The following MRPS33 variants were observed in gnomAD, a reference collection of about 807,000 sequenced individuals.
MRPS33 encodes the protein mitochondrial ribosomal protein S33, also known as small ribosomal subunit protein mS33.
In MRPS33, 11 loss-of-function variants were observed where a neutral mutation model predicts 11.2. The observed-to-expected ratio is 0.99, with a 90% CI of 0.62 to 1.63. The LOEUF (loss-of-function observed/expected upper bound fraction) is 1.63, where lower values mean the gene tolerates loss of function less well. Among genes scored for constraint, MRPS33 ranks in the 40% most tolerant of loss-of-function variants. The pLI is 0.00. For synonymous variants in MRPS33, 46 were observed against 44.0 expected (o/e 1.05, Z -0.18); for missense variants, 109 against 127.8 (o/e 0.85, Z 0.71).
chr7:141,011,446 G>C (rs73737151), intron 1 of MRPS33, among the ~76,000 whole-genome samples: 5,495 of 152,138 alleles, frequency 0.036, 334 homozygotes, highest in African/African-American at 0.13. Flanking sequence ...CACTGAAATG[G>C]GTATAAGAAT....
chr7:141,010,411 G>T lies in MRPS33; in HGVS notation c.215+8C>A, dbSNP rs189895199. On this transcript the variant is annotated splice_region_variant and intron_variant, in intron 2 of 2. Coordinates refer to ENST00000324787, the MANE Select transcript of MRPS33 (RefSeq NM_053035.3). ...CTCTCATAGGTCCCTCTTTGTGTTT[G>T]TCATCACCTGTAGAGTCCAAGAAAT... 349 of 1,613,620 alleles carry T rather than the reference G, an allele frequency of 2.2e-4. 1 individual carries two copies. The African/African-American group carries it at 3.9e-3, about 18-fold the overall frequency.
intron 1 of MRPS33, among the ~76,000 whole-genome samples, chr7:141,013,782 C>A (rs190355493): frequency 6.6e-6 from 1 of 152,134 alleles, no homozygotes. Flanking sequence ...AAGAAAATTC[C>A]CATATTTTTA....
chr7:141,010,296 C>T (rs1442856763), intron 2 of MRPS33, 123 bp downstream of exon 2: 7 of 885,218 alleles, frequency 7.9e-6, no homozygotes, highest in South Asian at 1.8e-5. Context: ...CCAACTGTAC[C>T]TTTTGAACTA....
intron 2 of MRPS33, 42 bp downstream of exon 2, chr7:141,010,377 A>G: frequency 6.3e-7 from 1 of 1,587,052 alleles, no homozygotes; most frequent in African/African-American, 1.4e-5. Flanking sequence ...TGATCTACTG[A>G]AAAAAAGTCT....
intron 1 of MRPS33, chr7:141,014,598 C>T (rs944077881): frequency 1.3e-5 from 2 of 152,190 alleles, no homozygotes; most frequent in South Asian, 2.1e-4. Context: ...GCCCACCACC[C>T]AAAGCTACAG....
intron 2 of MRPS33, among the ~76,000 whole-genome samples, chr7:141,006,944 A>G (rs1820547968): frequency 1.3e-5 from 2 of 152,224 alleles, no homozygotes; most frequent in Admixed American, 1.3e-4. Context: ...GCATCTACTC[A>G]GAATGGGGTG....
At position 141,006,471 on chromosome 7, in the gene MRPS33, G is replaced by T. The variant is rs1371047941; in HGVS notation, c.280C>A (p.Pro94Thr). The T allele has an allele frequency of 6.2e-7, 1 of 1,613,834 alleles. No homozygotes were observed. The highest frequency in any genetic ancestry group is 1.1e-5 in the South Asian group (1 of 91,070). ...GCTCTTTTCCCTTCTCCTTTCTTTG[G>T]TTTCTCCTTTCCACGAAGCTTCTTT... Reference protein sequence around the residue: ...RLKKLRGKEKPKKGEGKRAAK... With the variant: ...RLKKLRGKEKTKKGEGKRAAK... The change falls in exon 3 of 3, where the codon CCA becomes ACA. Residue 94 changes from proline to threonine, a missense_variant. Physicochemically the swap from Pro to Thr is conservative, Grantham distance 38. Coordinates refer to ENST00000324787, the MANE Select transcript of MRPS33 (RefSeq NM_053035.3).
chr7:141,014,229 T>A (rs1472888874), intron 1 of MRPS33: 3 of 152,304 alleles, frequency 2.0e-5, no homozygotes, highest in African/African-American at 7.2e-5. Context: ...CACGGCACAG[T>A]GCCCACCCTA....
At position 141,012,173 on chromosome 7, in the gene MRPS33, CAAAAA is replaced by C. The variant is rs56343833; in HGVS notation, c.-27-1518_-27-1514del. On this transcript the variant is annotated intron_variant, in intron 1 of 2. Coordinates refer to ENST00000324787, the MANE Select transcript of MRPS33 (RefSeq NM_053035.3). ...TGAGTGACAGAGCAAGATTGTGTGTCAAAAAAAAAAAAAAAAAAAAAGCAGAGGCT... is the reference window on the plus strand; with the variant it reads ...TGAGTGACAGAGCAAGATTGTGTGTCAAAAAAAAAAAAAAAAGCAGAGGCT... Among the ~76,000 whole-genome samples, 27 of 58,776 alleles carry C rather than the reference CAAAAA, an allele frequency of 4.6e-4. 1 individual carries two copies. The highest frequency in any genetic ancestry group is 1.6e-3 in the African/African-American group (20 of 12,480). 38.6% of individuals were successfully genotyped at this position (58,776 alleles called of 152,430 possible). A position where few individuals can be genotyped will look rare whatever the true frequency, so the allele number is the denominator to read the frequency against.
At chr7:141,009,380 C>T (rs1820615979) in intron 2 of MRPS33, among the ~76,000 whole-genome samples, 1 of 151,956 alleles carries the variant, frequency 6.6e-6, no homozygotes, top group South Asian at 2.1e-4. Flanking sequence ...GATCTGTCTG[C>T]CTCGGCCTCC....
chr7:141,004,628 T>A lies in MRPS33; in HGVS notation c.*1802A>T, dbSNP rs533832824. ...TAATATGTTTGAATATTGACACTAT[T>A]GTACACTTAAATATGGTTAAGATCA... On this transcript the variant is annotated 3_prime_UTR_variant, in exon 3 of 3. Transcript: ENST00000324787. 4.6e-5 allele frequency: 7 copies of A among 152,354 alleles called. No individual in the cohort carries two copies. The East Asian group carries it at 1.2e-3, about 25-fold the overall frequency. The allele number at this position is 152,354 out of a possible 1,614,324, so 9.4% of individuals were successfully genotyped here.
rs899783565 is a variant in MRPS33, at chr7:141,005,420, C to T, written c.*1010G>A. The T allele has an allele frequency of 2.6e-5, 4 of 152,106 alleles. No individual in the cohort carries two copies. The highest frequency in any genetic ancestry group is 9.7e-5 in the African/African-American group (4 of 41,356). The allele number at this position is 152,106 out of a possible 1,614,324, so 9.4% of individuals were successfully genotyped here. A position where few individuals can be genotyped will look rare whatever the true frequency, so the allele number is the denominator to read the frequency against. ...CCAGGCTGGAGTGCAGTGGCGTGATCTCAACTCACTGCAACCTTTGCCTCC... is the reference window on the plus strand; with the variant it reads ...CCAGGCTGGAGTGCAGTGGCGTGATTTCAACTCACTGCAACCTTTGCCTCC... On this transcript the variant is annotated 3_prime_UTR_variant, in exon 3 of 3. Coordinates refer to ENST00000324787, the MANE Select transcript of MRPS33 (RefSeq NM_053035.3).
chr7:141,006,943 CAGAATGGGGTG>C (rs1820548082), intron 2 of MRPS33, among the ~76,000 whole-genome samples: 1 of 152,138 alleles, frequency 6.6e-6, no homozygotes. Flanking sequence ...AGCATCTACT[CAGAATGGGGTG>C]AGGTCTGGAG....
At chr7:141,010,283 C>A in intron 2 of MRPS33, 136 bp downstream of exon 2, 1 of 768,948 alleles carries the variant, frequency 1.3e-6, no homozygotes. Context: ...AGACTTTCTC[C>A]TGCCAACTGT....
At position 141,003,656 on chromosome 7, in the gene MRPS33, C is replaced by T. The variant is rs1345636239; in HGVS notation, c.*2774G>A. 1 of 152,202 alleles carries T rather than the reference C, an allele frequency of 6.6e-6. No homozygotes were observed. The highest frequency in any genetic ancestry group is 1.5e-5 in the Non-Finnish European group (1 of 68,030). 9.4% of individuals were successfully genotyped at this position (152,202 alleles called of 1,614,324 possible). Reference sequence around the variant, plus strand: ...TCAGGTCTGCTGTTAGAATGTAATGCAGTTATTCTCTTTAAAATATCATGC... The same window carrying T: ...TCAGGTCTGCTGTTAGAATGTAATGTAGTTATTCTCTTTAAAATATCATGC... On this transcript the variant is annotated 3_prime_UTR_variant, in exon 3 of 3. Transcript: ENST00000324787.
chr7:141,010,237 T>C, intron 2 of MRPS33, 182 bp downstream of exon 2: 1 of 595,426 alleles, frequency 1.7e-6, no homozygotes, highest in Non-Finnish European at 2.9e-6. Context: ...ATTTCCTTTT[T>C]TTTTTTGGTC....
chr7:141,010,529 T>C lies in MRPS33; in HGVS notation c.105A>G (p.Lys35=). ...TGGCCAAGGGCAGTTCACTAAACAG[T>C]TTCACCACTTTCATAGACTTGGAAT... ...PTNSKSMKVV[K]LFSELPLAKK... Residue 35 remains lysine (K), a synonymous_variant, in exon 2 of 3, where the codon AAA becomes AAG. Transcript: ENST00000324787. 1 of 1,614,146 alleles carries C rather than the reference T, an allele frequency of 6.2e-7. No homozygotes were observed.
intron 1 of MRPS33, among the ~76,000 whole-genome samples, chr7:141,012,243 C>T (rs1267938736): frequency 6.9e-6 from 1 of 144,594 alleles, no homozygotes; most frequent in Non-Finnish European, 1.5e-5. Flanking sequence ...ATTCAGAACA[C>T]CAACCAAGCA....
In MRPS33 at chr7:141,005,542, G is replaced by C. The variant is rs919261626; in HGVS notation, c.*888C>G. On this transcript the variant is annotated 3_prime_UTR_variant, in exon 3 of 3. Coordinates refer to ENST00000324787, the MANE Select transcript of MRPS33 (RefSeq NM_053035.3). Reference sequence around the variant, plus strand: ...CTAATTTTTGCATTTTTAGTAGGTGGGGTTTCACCATGTTGGCCAAAATGG... The same window carrying C: ...CTAATTTTTGCATTTTTAGTAGGTGCGGTTTCACCATGTTGGCCAAAATGG... The C allele has an allele frequency of 1.3e-5, 2 of 152,002 alleles. No homozygotes were observed. The highest frequency in any genetic ancestry group is 4.8e-5 in the African/African-American group (2 of 41,374). The allele number at this position is 152,002 out of a possible 1,614,324, so 9.4% of individuals were successfully genotyped here.
Sources: allele counts gnomAD v4.1 joint callset (sites outside exome capture counted in the v4.1 genomes callset), GRCh38; gene constraint gnomAD v4.1.1; transcripts MANE v1.5; gene names NCBI Gene and HGNC (gene_info 2026-07-23, HGNC 2026-07-21).